The following PUM1 variants were observed in gnomAD, a reference collection of about 807,000 sequenced individuals.
PUM1 encodes pumilio homolog 1.
A neutral mutation model predicts 131.8 loss-of-function variants in PUM1; 13 were observed. The ratio of observed to expected loss-of-function variants is 0.10; its 90% CI spans 0.06 to 0.16. The LOEUF (loss-of-function observed/expected upper bound fraction) is 0.16. PUM1 is among the 10% of genes least tolerant of loss of function. The probability of loss-of-function intolerance (pLI) is 1.00; values close to 1 mark genes in which losing one functional copy is unlikely to be tolerated. For missense variants in PUM1, 961 were observed against 1,512.4 expected, an observed-to-expected ratio of 0.64 and a Z score of 6.05; for synonymous variants, 509 against 556.5, an observed-to-expected ratio of 0.91 and a Z score of 1.20.
intron 3 of PUM1, among the ~76,000 whole-genome samples, chr1:31,010,686 A>G (rs754065777): frequency 1.3e-5 from 2 of 152,226 alleles, no homozygotes; most frequent in Non-Finnish European, 2.9e-5. Context: ...GGTTGATACC[A>G]CATGAGTGAG....
chr1:30,946,338 TA>T lies in PUM1; in HGVS notation c.2857-856del, dbSNP rs111289458. Among the ~76,000 whole-genome samples, 155 of 145,192 alleles carry T rather than the reference TA, an allele frequency of 1.1e-3. 1 individual carries two copies. The highest frequency in any genetic ancestry group is 1.1e-3 in the South Asian group (5 of 4,580). On this transcript the variant is annotated intron_variant, in intron 17 of 21. Coordinates refer to ENST00000426105, the MANE Select transcript of PUM1 (RefSeq NM_001020658.2). ...AATTATTTATCACAGAGCCTATAATTAAAAAAAAAAAAATCATAGGCCAGGT... is the reference window on the plus strand; with the variant it reads ...AATTATTTATCACAGAGCCTATAATTAAAAAAAAAAAATCATAGGCCAGGT...
intron 1 of PUM1, 31 bp downstream of exon 1, chr1:31,065,585 C>T: frequency 1.1e-5 from 17 of 1,541,004 alleles, no homozygotes; most frequent in Non-Finnish European, 1.4e-5. Context: ...TCCGGAGCAG[C>T]GTTTGGGGCC....
chr1:31,005,762 A>T, intron 5 of PUM1, 91 bp downstream of exon 5: 1 of 1,273,912 alleles, frequency 7.8e-7, no homozygotes, highest in South Asian at 1.6e-5. Flanking sequence ...AAGGAAACTA[A>T]ACAGGCATGT....
intron 3 of PUM1, among the ~76,000 whole-genome samples, chr1:31,013,934 C>G (rs1334490379): frequency 6.6e-6 from 1 of 152,166 alleles, no homozygotes; most frequent in Non-Finnish European, 1.5e-5. Context: ...TAAAACATAT[C>G]TTTAAGAAAA....
chr1:30,959,268 T>A (rs921397358), intron 14 of PUM1, among the ~76,000 whole-genome samples: 5 of 152,204 alleles, frequency 3.3e-5, no homozygotes, highest in Non-Finnish European at 7.3e-5. Context: ...TCGAATTTCA[T>A]GCTATGAGGT....
chr1:30,983,888 C>A (rs1641448807), intron 7 of PUM1, among the ~76,000 whole-genome samples: 1 of 151,930 alleles, frequency 6.6e-6, no homozygotes, highest in Non-Finnish European at 1.5e-5. Context: ...CAGGCGTGAG[C>A]CACCACACCT....
At chr1:31,038,985 T>TATATATATATATATATATA (rs879343889) in intron 2 of PUM1, among the ~76,000 whole-genome samples, 36 of 32,962 alleles carry the variant, frequency 1.1e-3, no homozygotes, top group African/African-American at 1.9e-3. Flanking sequence ...TATATATATA[T>TATATATATATATATATATA]TTTTTTTTTT....
At chr1:30,972,269 AAG>A (rs1244183473) in intron 10 of PUM1, among the ~76,000 whole-genome samples, 2 of 776 alleles carry the variant, frequency 2.6e-3, no homozygotes, top group Non-Finnish European at 4.1e-3. Flanking sequence ...AAAAGAAAAG[AAG>A]GGAAGGGAAG....
chr1:31,003,227 A>G lies in PUM1; in HGVS notation c.720+2626T>C, dbSNP rs115260509. Among the ~76,000 whole-genome samples, 642 of 152,292 alleles carry G rather than the reference A, an allele frequency of 4.2e-3. 3 individuals carry two copies. Among genetic ancestry groups the G allele is most frequent in the African/African-American group, 0.015 (616 of 41,574 alleles). On this transcript the variant is annotated intron_variant, in intron 5 of 21. Coordinates refer to ENST00000426105, the MANE Select transcript of PUM1 (RefSeq NM_001020658.2). ...GTACCACTCCTCCTTTAGAACAATT[A>G]TCTACAAGAAGCAGAAATCCTATCT...
At chr1:30,974,943 T>C in intron 9 of PUM1, 141 bp from the exon 10 acceptor site, 1 of 592,354 alleles carries the variant, frequency 1.7e-6, no homozygotes, top group South Asian at 2.7e-5. Context: ...AGCTAATCAT[T>C]AACTCTTTTT....
chr1:31,010,342 G>A (rs1399873526), intron 3 of PUM1, among the ~76,000 whole-genome samples: 2 of 152,122 alleles, frequency 1.3e-5, no homozygotes, highest in African/African-American at 4.8e-5. Context: ...CCCTGACTGT[G>A]GGCTAGACCT....
At chr1:31,003,621 G>T (rs1642295549) in intron 5 of PUM1, among the ~76,000 whole-genome samples, 1 of 152,060 alleles carries the variant, frequency 6.6e-6, no homozygotes, top group South Asian at 2.1e-4. Context: ...CCCGGGCATG[G>T]TGGCAGGCAT....
chr1:30,969,235 C>T (rs911058071), intron 10 of PUM1, among the ~76,000 whole-genome samples: 4 of 139,142 alleles, frequency 2.9e-5, no homozygotes, highest in African/African-American at 1.1e-4. Flanking sequence ...ACCTGGGAGG[C>T]GGAGGTTGCA....
chr1:31,022,079 A>G (rs76996775), intron 3 of PUM1, among the ~76,000 whole-genome samples: 4 of 19,150 alleles, frequency 2.1e-4, no homozygotes, highest in African/African-American at 9.9e-4. Context: ...CGAGCCTAGA[A>G]AAAAAAAAAA....
At chr1:30,998,222 A>T (rs1436313929) in intron 5 of PUM1, among the ~76,000 whole-genome samples, 4 of 152,250 alleles carry the variant, frequency 2.6e-5, no homozygotes, top group African/African-American at 9.6e-5. Context: ...GTTTACTTAA[A>T]AGAAAAAAGA....
chr1:30,976,269 G>A (rs1426540755), intron 9 of PUM1, among the ~76,000 whole-genome samples: 4 of 152,178 alleles, frequency 2.6e-5, no homozygotes, highest in African/African-American at 9.7e-5. Flanking sequence ...GACGAAGCTG[G>A]TAGCAAGAAA....
At chr1:30,952,530 T>C (rs2124413898) in intron 15 of PUM1, among the ~76,000 whole-genome samples, 167 bp from the exon 16 acceptor site, 1 of 152,264 alleles carries the variant, frequency 6.6e-6, no homozygotes, top group African/African-American at 2.4e-5. Flanking sequence ...TCACTTGAAC[T>C]CCCTTGAAGA....
chr1:30,995,318 A>C, intron 5 of PUM1, 98 bp from the exon 6 acceptor site: 1 of 1,307,960 alleles, frequency 7.6e-7, no homozygotes, highest in African/African-American at 1.5e-5. Flanking sequence ...TACTCAGAAG[A>C]GGATAGTGTT....
chr1:31,035,573 G>T (rs1643581449), intron 2 of PUM1, among the ~76,000 whole-genome samples: 1 of 151,852 alleles, frequency 6.6e-6, no homozygotes, highest in Non-Finnish European at 1.5e-5. Flanking sequence ...CCAACATGGA[G>T]AAACACCGTC....
Sources: gnomAD v4.1 joint callset for allele counts (sites outside exome capture counted in the v4.1 genomes callset) on GRCh38, gnomAD v4.1.1 for gene constraint, MANE v1.5 for transcripts, NCBI Gene and HGNC (gene_info 2026-07-23, HGNC 2026-07-21) for gene names.